Variants in CTNNB1 observed in about 807,000 individuals in gnomAD.
CTNNB1 encodes the protein catenin beta 1.
In CTNNB1, 6 loss-of-function variants were observed where a neutral mutation model predicts 82.5. That is an observed-to-expected ratio of 0.07 (90% CI 0.04 to 0.14). The LOEUF is 0.14. Among genes scored for constraint, CTNNB1 ranks in the 10% least tolerant of loss-of-function variants. The pLI is 1.00. For synonymous variants in CTNNB1, 312 were observed against 329.7 expected, an observed-to-expected ratio of 0.95 and a Z score of 0.58; for missense variants, 529 against 980.4, an observed-to-expected ratio of 0.54 and a Z score of 6.15.
In CTNNB1 at chr3:41,236,717, A is replaced by G. The variant is rs2078445455; in HGVS notation, c.2076+8A>G. On this transcript the variant is annotated splice_region_variant and intron_variant, in intron 13 of 14. Coordinates refer to ENST00000349496, the MANE Select transcript of CTNNB1 (RefSeq NM_001904.4). ...CCAATGGCTTGGAATGAGGTAGGGA[A>G]ATGTGAGCAGTTATTTATCTGGTAG... 6.2e-7 allele frequency: 1 copy of G among 1,613,952 alleles called. No individual in the cohort carries two copies. Among genetic ancestry groups the G allele is most frequent in the South Asian group, 1.1e-5 (1 of 91,082 alleles).
chr3:41,208,252 T>C (rs2077695551), intron 1 of CTNNB1, among the ~76,000 whole-genome samples: 1 of 152,208 alleles, frequency 6.6e-6, no homozygotes, highest in African/African-American at 2.4e-5. Flanking sequence ...TAGCTTACTT[T>C]TTTTGTAGCA....
rs558480630 is a variant in CTNNB1, at chr3:41,212,084, T to G, written c.-48-11937T>G. Among the ~76,000 whole-genome samples the G allele has an allele frequency of 7.2e-5, 11 of 152,358 alleles. No individual in the cohort carries two copies. In the South Asian group the frequency reaches 1.2e-3, roughly 17 times the overall value. On this transcript the variant is annotated intron_variant, in intron 1 of 14. Transcript: ENST00000349496. ...TGTTTTTCCTCAAACTGATGAAGCC[T>G]TCATGGCTGATGTCAGATGTTTTGC... is the stretch of plus-strand genomic sequence containing the variant.
At chr3:41,217,676 C>G (rs1252729565) in intron 1 of CTNNB1, among the ~76,000 whole-genome samples, 2 of 152,184 alleles carry the variant, frequency 1.3e-5, no homozygotes, top group African/African-American at 4.8e-5. Flanking sequence ...AAAGTTTCTG[C>G]TAGTTTCACC....
chr3:41,236,375 C>T lies in CTNNB1; in HGVS notation c.1830C>T (p.Ile610=), dbSNP rs374923885. 3.0e-4 allele frequency: 482 copies of T among 1,614,044 alleles called. No homozygotes were observed. The highest frequency in any genetic ancestry group is 3.9e-4 in the Non-Finnish European group (463 of 1,180,018). The part of the protein sequence containing the change: ...VQLLYSPIEN[I]QRVAAGVLCE... ...TGCTTTATTCTCCCATTGAAAACAT[C>T]CAAAGAGTAGCTGCAGGGGTCCTCT... Residue 610 remains isoleucine (I), a synonymous_variant, in exon 12 of 15, where the codon ATC becomes ATT. Coordinates refer to ENST00000349496, the MANE Select transcript of CTNNB1 (RefSeq NM_001904.4).
intron 1 of CTNNB1, among the ~76,000 whole-genome samples, chr3:41,219,154 T>C (rs2077983315): frequency 6.6e-6 from 1 of 152,242 alleles, no homozygotes; most frequent in Non-Finnish European, 1.5e-5. Context: ...TGGCTGCTTA[T>C]GTTAATATAA....
intron 1 of CTNNB1, among the ~76,000 whole-genome samples, chr3:41,209,884 G>A (rs1384077210): frequency 1.3e-5 from 2 of 152,130 alleles, no homozygotes; most frequent in African/African-American, 4.8e-5. Context: ...AAAGATGTGG[G>A]ACATCACTGT....
Position 41,233,328 on chromosome 3 carries a change from T to C in CTNNB1, c.1082-13T>C, listed in dbSNP as rs1323622739. 1.2e-6 allele frequency: 2 copies of C among 1,613,352 alleles called. No individual in the cohort carries two copies. Among genetic ancestry groups the C allele is most frequent in the Admixed American group, 3.3e-5 (2 of 60,034 alleles). On this transcript the variant is annotated splice_polypyrimidine_tract_variant and intron_variant, in intron 7 of 14. Transcript: ENST00000349496. ...CTAATGACTAGGGCCTTATATCCTTTTTAATTTTCTAGGTGGAATGCAAGC... is the reference window on the plus strand; with the variant it reads ...CTAATGACTAGGGCCTTATATCCTTCTTAATTTTCTAGGTGGAATGCAAGC...
intron 7 of CTNNB1, among the ~76,000 whole-genome samples, chr3:41,231,985 G>A (rs963418576): frequency 7.9e-5 from 12 of 152,164 alleles, no homozygotes; most frequent in Admixed American, 4.6e-4. Context: ...CTGACTTAAA[G>A]TGACTTAAAA....
intron 7 of CTNNB1, among the ~76,000 whole-genome samples, chr3:41,227,721 T>A (rs1258442991): frequency 6.6e-6 from 1 of 152,020 alleles, no homozygotes; most frequent in Non-Finnish European, 1.5e-5. Flanking sequence ...TAGATGCTCA[T>A]GAGCAGTTTT....
chr3:41,205,459 C>A (rs1346537506), intron 1 of CTNNB1, among the ~76,000 whole-genome samples: 1 of 151,648 alleles, frequency 6.6e-6, no homozygotes, highest in East Asian at 1.9e-4. Flanking sequence ...CTTTGGGAGG[C>A]TGGGGAGGGT....
chr3:41,239,563 C>G lies in CTNNB1; in HGVS notation c.*221C>G. ...TGTGATCATGTGTGGAAGTTATTAA[C>G]TTTAATGTTTTTTGCCACAGCTTTT... On this transcript the variant is annotated 3_prime_UTR_variant, in exon 15 of 15. Transcript: ENST00000349496. 1 of 580,454 alleles carries G rather than the reference C, an allele frequency of 1.7e-6. No individual in the cohort carries two copies. The highest frequency in any genetic ancestry group is 3.0e-5 in the Admixed American group (1 of 33,208). The allele number at this position is 580,454 out of a possible 1,614,324, so 36.0% of individuals were successfully genotyped here.
intron 7 of CTNNB1, among the ~76,000 whole-genome samples, chr3:41,230,734 T>C (rs1316369478): frequency 6.6e-6 from 1 of 151,296 alleles, no homozygotes; most frequent in East Asian, 1.9e-4. Context: ...GAACCGTCTC[T>C]TGTCTATATG....
chr3:41,225,511 C>T lies in CTNNB1; in HGVS notation c.673C>T (p.Arg225Cys), dbSNP rs2125623252. Residue 225 changes from arginine to cysteine, a missense_variant, in exon 5 of 15, where the codon CGT becomes TGT. Transcript: ENST00000349496. The surrounding 1 kb of genome is among the most constrained non-coding windows in gnomAD (Gnocchi z 5.3). Reference protein sequence around the residue: ...AGTLHNLSHHREGLLAIFKSG... With the variant: ...AGTLHNLSHHCEGLLAIFKSG... ...GACCTTGCATAACCTTTCCCATCAT[C>T]GTGAGGGCTTACTGGCCATCTTTAA... 1 of 1,614,084 alleles carries T rather than the reference C, an allele frequency of 6.2e-7. No individual in the cohort carries two copies. Among genetic ancestry groups the T allele is most frequent in the Non-Finnish European group, 8.5e-7 (1 of 1,180,004 alleles).
intron 3 of CTNNB1, 87 bp downstream of exon 3, chr3:41,224,840 ATGT>A (rs2078137725): frequency 2.5e-6 from 4 of 1,597,530 alleles, no homozygotes; most frequent in East Asian, 2.2e-5. Flanking sequence ...TTTAAATAAA[ATGT>A]TGTGGTGAAG....
Position 41,225,646 on chromosome 3 carries a change from TTTC to T in CTNNB1, c.735-7_735-5del, listed in dbSNP as rs768951985. The T allele has an allele frequency of 3.7e-6, 6 of 1,614,144 alleles. No homozygotes were observed. The East Asian group carries it at 1.1e-4, about 30-fold the overall frequency. ...CTCACAATATTTCTGATGAGGCTTT[TTTC>T]TTCTTCCCAGTTCACCAGTGGATTC... On this transcript the variant is annotated splice_polypyrimidine_tract_variant and intron_variant, in intron 5 of 14. Coordinates refer to ENST00000349496, the MANE Select transcript of CTNNB1 (RefSeq NM_001904.4). The surrounding 1 kb of genome is among the most constrained non-coding windows in gnomAD (Gnocchi z 5.3).
At chr3:41,224,423 T>C (rs942085351) in intron 2 of CTNNB1, 103 bp from the exon 3 acceptor site, 19 of 1,237,308 alleles carry the variant, frequency 1.5e-5, no homozygotes, top group Non-Finnish European at 2.2e-5. Context: ...AGATTTGACT[T>C]TATTTCTAAA....
At chr3:41,214,130 C>G (rs987552787) in intron 1 of CTNNB1, among the ~76,000 whole-genome samples, 3 of 152,114 alleles carry the variant, frequency 2.0e-5, no homozygotes, top group Non-Finnish European at 4.4e-5. Context: ...GGGTTCATTT[C>G]CTGATGGCAC....
At chr3:41,233,308 G>A in intron 7 of CTNNB1, 33 bp from the exon 8 acceptor site, 1 of 1,580,140 alleles carries the variant, frequency 6.3e-7, no homozygotes, top group Non-Finnish European at 8.7e-7. Context: ...TCTAGCTAAT[G>A]ACTAGGGCCT....
chr3:41,231,199 C>T (rs1469509829), intron 7 of CTNNB1, among the ~76,000 whole-genome samples: 3 of 152,106 alleles, frequency 2.0e-5, no homozygotes, highest in East Asian at 3.9e-4. Flanking sequence ...TGGTGGCAGG[C>T]GCCTGTAGTC....
Sources: allele counts gnomAD v4.1 joint callset (sites outside exome capture counted in the v4.1 genomes callset), GRCh38; gene constraint gnomAD v4.1.1; non-coding constraint Gnocchi (gnomAD v3.1); transcripts MANE v1.5; gene names NCBI Gene and HGNC (gene_info 2026-07-23, HGNC 2026-07-21).